Variants in ERAP1 observed in about 807,000 individuals in gnomAD.
ERAP1 encodes adipocyte-derived leucine aminopeptidase.
In ERAP1, 86 loss-of-function variants were observed where a neutral mutation model predicts 103.7. The ratio of observed to expected loss-of-function variants is 0.83; its 90% CI spans 0.70 to 0.99. The LOEUF (loss-of-function observed/expected upper bound fraction) is 0.99. Among genes scored for constraint, ERAP1 ranks in the 50% least tolerant of loss-of-function variants. The pLI is 0.00. For synonymous variants in ERAP1, 398 were observed against 402.4 expected, an observed-to-expected ratio of 0.99 and a Z score of 0.13; for missense variants, 1,009 against 1,128.4, an observed-to-expected ratio of 0.89 and a Z score of 1.52.
chr5:96,863,847 TA>T, the ERAP1 span, among the ~76,000 whole-genome samples: 34 of 151,576 alleles, frequency 2.2e-4, no homozygotes, highest in African/African-American at 8.2e-4. Context: ...AAATCTTATT[TA>T]AAAAAAAATC....
Position 96,762,908 on chromosome 5 carries a change from A to G in ERAP1, c.*292T>C, listed in dbSNP as rs184934804. 352 of 470,852 alleles carry G rather than the reference A, an allele frequency of 7.5e-4. 1 individual carries two copies. The highest frequency in any genetic ancestry group is 2.7e-4 in the Non-Finnish European group (71 of 259,014). 29.2% of individuals were successfully genotyped at this position (470,852 alleles called of 1,614,324 possible). On this transcript the variant is annotated 3_prime_UTR_variant, in exon 20 of 20. Transcript: ENST00000296754. ...GCAGTAGAAGAACCTCAGCATCAAT[A>G]TTGTTTTAATTATTTACATGCTGTG... is the stretch of plus-strand genomic sequence containing the variant.
At chr5:96,909,167 G>A in the ERAP1 span, 6 of 1,570,260 alleles carry the variant, frequency 3.8e-6, no homozygotes, top group African/African-American at 5.4e-5. Flanking sequence ...AGTGTCTGGA[G>A]TATCAGTCAG....
the ERAP1 span, among the ~76,000 whole-genome samples, chr5:96,910,741 T>A: frequency 6.6e-6 from 1 of 152,308 alleles, no homozygotes; most frequent in East Asian, 1.9e-4. Context: ...ATATTGTTGG[T>A]TTTTTCTAAA....
the ERAP1 span, among the ~76,000 whole-genome samples, chr5:96,827,052 C>T: frequency 6.6e-6 from 1 of 152,134 alleles, no homozygotes. Flanking sequence ...AATTTTGAAA[C>T]TTTTGTGACA....
the ERAP1 span, among the ~76,000 whole-genome samples, chr5:96,882,164 T>C: frequency 6.6e-6 from 1 of 152,206 alleles, no homozygotes; most frequent in Admixed American, 6.5e-5. Flanking sequence ...GTTTTCAGGC[T>C]CAGCACAGTA....
At chr5:96,858,388 T>C in the ERAP1 span, among the ~76,000 whole-genome samples, 3 of 152,216 alleles carry the variant, frequency 2.0e-5, no homozygotes, top group Non-Finnish European at 2.9e-5. Flanking sequence ...CTAATTTTTG[T>C]ATTTTTAGTA....
At chr5:96,889,140 CA>C in the ERAP1 span, 3 of 1,609,016 alleles carry the variant, frequency 1.9e-6, no homozygotes, top group African/African-American at 4.0e-5. Context: ...GGAATTATGC[CA>C]GGGAGCTGTC....
the ERAP1 span, among the ~76,000 whole-genome samples, chr5:96,874,456 T>A: frequency 6.6e-6 from 1 of 152,198 alleles, no homozygotes; most frequent in African/African-American, 2.4e-5. Context: ...CTCCTATACC[T>A]CTTCTACCTG....
the ERAP1 span, among the ~76,000 whole-genome samples, chr5:96,903,849 G>C: frequency 7.9e-5 from 12 of 152,208 alleles, no homozygotes; most frequent in South Asian, 1.9e-3. Context: ...TATCCTGTGG[G>C]CCACAGGATA....
At chr5:96,896,965 T>TAAGTCATATGTTGGA in the ERAP1 span, 1 of 970,030 alleles carries the variant, frequency 1.0e-6, no homozygotes, top group Non-Finnish European at 1.4e-6. Context: ...GTCAACCATA[T>TAAGTCATATGTTGGA]TTATTCTGCT....
At position 96,792,508 on chromosome 5, in the gene ERAP1, T is replaced by C. The variant is rs116066748; in HGVS notation, c.1189-316A>G. ...GCAACACAACAAGAAATTAACTGTA[T>C]AGTAATTTCAACATTTCCAATCATT... On this transcript the variant is annotated intron_variant, in intron 7 of 18. Transcript: ENST00000443439. 5.6e-3 allele frequency among the ~76,000 whole-genome samples: 852 copies of C among 152,290 alleles called. 10 individuals carry two copies. Among genetic ancestry groups the C allele is most frequent in the African/African-American group, 0.02 (814 of 41,566 alleles).
chr5:96,917,595 T>G, the ERAP1 span: 7 of 1,612,248 alleles, frequency 4.3e-6, no homozygotes, highest in African/African-American at 9.4e-5. Flanking sequence ...TGGCTAATGG[T>G]TAATACTTAA....
the ERAP1 span, among the ~76,000 whole-genome samples, chr5:96,854,714 C>A: frequency 0.018 from 2,761 of 152,268 alleles, 87 homozygotes; most frequent in African/African-American, 0.063. Flanking sequence ...GGTTCAATTT[C>A]CATGGGCATT....
chr5:96,832,919 A>G, the ERAP1 span, among the ~76,000 whole-genome samples: 1 of 152,202 alleles, frequency 6.6e-6, no homozygotes, highest in Admixed American at 6.5e-5. Context: ...CTTTGAGACT[A>G]ATTAGGTCAT....
the ERAP1 span, among the ~76,000 whole-genome samples, chr5:96,850,224 A>G: frequency 6.6e-6 from 1 of 152,214 alleles, no homozygotes; most frequent in Non-Finnish European, 1.5e-5. Context: ...CACAGGTAAT[A>G]AAAGCAAAAT....
chr5:96,814,070 T>C, the ERAP1 span: 1 of 312,670 alleles, frequency 3.2e-6, no homozygotes, highest in East Asian at 8.1e-5. Context: ...TTTCTGTGGG[T>C]TGGTAGTTTC....
intron 1 of ERAP1, among the ~76,000 whole-genome samples, chr5:96,806,826 A>G (rs1367226050): frequency 6.8e-6 from 1 of 147,712 alleles, no homozygotes; most frequent in East Asian, 2.0e-4. Flanking sequence ...ACTGTTGGTA[A>G]ATAATAAAAA....
downstream of ERAP1, chr5:96,770,654 A>G (rs749115455): frequency 8.3e-7 from 1 of 1,199,496 alleles, no homozygotes; most frequent in East Asian, 2.3e-5. Context: ...TACACAGAGT[A>G]GGGTTTATCA....
Position 96,800,698 on chromosome 5 carries a change from C to A in ERAP1, c.663+164G>T, listed in dbSNP as rs186159441. Among the ~76,000 whole-genome samples the A allele has an allele frequency of 3.3e-3, 499 of 152,298 alleles. 8 individuals are homozygous for A. The highest frequency in any genetic ancestry group is 0.022 in the Admixed American group (340 of 15,296). ...CAATTTTTACTTTGATTACATATAA[C>A]TATGGCTTGAAACAAAAGCATAGGT... On this transcript the variant is annotated intron_variant, in intron 3 of 18. Transcript: ENST00000443439.
Sources: gnomAD v4.1 joint callset for allele counts (sites outside exome capture counted in the v4.1 genomes callset) on GRCh38, gnomAD v4.1.1 for gene constraint, MANE v1.5 for transcripts, NCBI Gene and HGNC (gene_info 2026-07-23, HGNC 2026-07-21) for gene names.